Variants in ZNF571 observed in about 807,000 individuals in gnomAD.
ZNF571 encodes the protein zinc finger protein 571.
Under a neutral mutation model 7.7 loss-of-function variants are expected in ZNF571, and 4 were observed. The ratio of observed to expected loss-of-function variants is 0.52; its 90% CI spans 0.25 to 1.18. The LOEUF (loss-of-function observed/expected upper bound fraction) is 1.18, where lower values mean the gene tolerates loss of function less well. Ranked by LOEUF, ZNF571 falls within the 50% of genes most tolerant of loss-of-function variation. The pLI is 0.14. For synonymous variants in ZNF571, 251 were observed against 232.4 expected (o/e 1.08, Z -0.73); for missense variants, 704 against 726.9 (o/e 0.97, Z 0.36).
intron 3 of ZNF571, among the ~76,000 whole-genome samples, chr19:37,581,614 G>A (rs1414169525): frequency 6.6e-6 from 1 of 151,736 alleles, no homozygotes; most frequent in African/African-American, 2.4e-5. Context: ...ACAGGCATGT[G>A]ACATAATGCC....
At position 37,565,225 on chromosome 19, in the gene ZNF571, AAT is replaced by A. The variant is rs747245740; in HGVS notation, c.1201_1202del (p.Ile401PhefsTer2). The A allele has an allele frequency of 1.2e-6, 2 of 1,613,308 alleles. No individual in the cohort carries two copies. Among genetic ancestry groups the A allele is most frequent in the Non-Finnish European group, 1.7e-6 (2 of 1,179,800 alleles). ...YKCKECGKAF[I>X]SNSNLIQHQR... ...GATGTTGAATAAGATTAGAATTAGA[AAT>A]AAAGGCTTTCCCACATTCTTTGCAT... On this transcript the variant is annotated frameshift_variant, in exon 4 of 4. Coordinates refer to ENST00000451802, the MANE Select transcript of ZNF571 (RefSeq NM_016536.5). LOFTEE classifies it low-confidence loss of function (END_TRUNC).
At chr19:37,577,335 G>A (rs1046018433) in intron 3 of ZNF571, among the ~76,000 whole-genome samples, 2 of 152,034 alleles carry the variant, frequency 1.3e-5, no homozygotes, top group Non-Finnish European at 2.9e-5. Context: ...CCTACATCTG[G>A]AAGGTTTCAT....
Position 37,565,021 on chromosome 19 carries a change from A to C in ZNF571, c.1407T>G (p.His469Gln), listed in dbSNP as rs1183975745. The C allele has an allele frequency of 6.2e-7, 1 of 1,613,584 alleles. No individual in the cohort carries two copies. The highest frequency in any genetic ancestry group is 1.3e-5 in the African/African-American group (1 of 74,832). ...VAYLTQHEKI[H>Q]GEKHYECKEC... ...CCTTACATTCATAATGTTTCTCACC[A>C]TGAATTTTCTCATGTTGAGTAAGAT... is the stretch of plus-strand genomic sequence containing the variant. Residue 469 changes from histidine to glutamine, a missense_variant, in exon 4 of 4, where the codon CAT becomes CAG. His to Gln is a conservative substitution (Grantham distance 24). Transcript: ENST00000451802.
intron 1 of ZNF571, 75 bp from the exon 2 acceptor site, chr19:37,586,820 A>G: frequency 2.4e-6 from 2 of 836,036 alleles, no homozygotes; most frequent in Non-Finnish European, 3.8e-6. Flanking sequence ...AACTACCTTT[A>G]CTTCTCCTCT....
rs760232408 is a variant in ZNF571, at chr19:37,564,617, T to G, written c.1811A>C (p.His604Pro). The G allele has an allele frequency of 6.5e-7, 1 of 1,543,614 alleles. No individual in the cohort carries two copies. Among genetic ancestry groups the G allele is most frequent in the East Asian group, 2.3e-5 (1 of 44,088 alleles). ...GCTTTCTCAATTATGAAGCCTTGTA[T>G]GTTGAGTAAGTTGTGAAGGACATCT... ...DFRCPSQLTQHTRLHN is the reference protein window; with the variant it reads ...DFRCPSQLTQPTRLHN The change falls in exon 4 of 4, where the codon CAT becomes CCT. Residue 604 changes from histidine to proline, a missense_variant. Transcript: ENST00000451802.
chr19:37,589,735 G>A (rs879107375), intron 1 of ZNF571, among the ~76,000 whole-genome samples: 8 of 151,410 alleles, frequency 5.3e-5, no homozygotes, highest in Non-Finnish European at 1.0e-4. Context: ...GCGTGGTGGC[G>A]GGCATCTGTA....
chr19:37,572,712 T>G (rs909085157), intron 3 of ZNF571, among the ~76,000 whole-genome samples: 1 of 152,218 alleles, frequency 6.6e-6, no homozygotes. Context: ...AGGTTAGAAG[T>G]AATCTGTTGG....
chr19:37,579,659 T>C (rs1163101768), intron 3 of ZNF571, among the ~76,000 whole-genome samples: 1 of 152,096 alleles, frequency 6.6e-6, no homozygotes. Flanking sequence ...TTTGCAGGTG[T>C]TTCATCAATT....
intron 1 of ZNF571, among the ~76,000 whole-genome samples, chr19:37,590,449 G>A (rs1181147596): frequency 2.0e-5 from 3 of 151,782 alleles, no homozygotes; most frequent in Admixed American, 6.6e-5. Flanking sequence ...AAGCTATAAG[G>A]ACAAAATTGT....
At chr19:37,573,134 T>G (rs1208374469) in intron 3 of ZNF571, among the ~76,000 whole-genome samples, 2 of 136,532 alleles carry the variant, frequency 1.5e-5, no homozygotes, top group African/African-American at 5.0e-5. Flanking sequence ...CTCTTCCAAC[T>G]CTTTTTTTTT....
chr19:37,574,640 C>G (rs186734502), intron 3 of ZNF571, among the ~76,000 whole-genome samples: 2 of 152,198 alleles, frequency 1.3e-5, no homozygotes, highest in Admixed American at 1.3e-4. Context: ...TGGTTTATCA[C>G]CATACCTAAA....
chr19:37,587,034 A>G (rs1600530377), intron 1 of ZNF571: 1 of 244,130 alleles, frequency 4.1e-6, no homozygotes. Context: ...CCCAAACACT[A>G]AGTCAGGTAC....
intron 1 of ZNF571, among the ~76,000 whole-genome samples, chr19:37,588,025 G>A (rs941862063): frequency 2.0e-5 from 3 of 147,644 alleles, no homozygotes; most frequent in Admixed American, 6.8e-5. Context: ...ACTTGTACGC[G>A]GGAGGTGGAG....
At chr19:37,571,032 CAA>C (rs2043031769) in intron 3 of ZNF571, among the ~76,000 whole-genome samples, 1 of 152,116 alleles carries the variant, frequency 6.6e-6, no homozygotes, top group African/African-American at 2.4e-5. Flanking sequence ...ATAATTATAA[CAA>C]ATTCTATTTG....
At position 37,583,793 on chromosome 19, in the gene ZNF571, A is replaced by G. The variant is rs549036741; in HGVS notation, c.136+178T>C. The stretch of plus-strand genomic sequence containing the variant: ...AGAAGGGAGACACTGACAGGAAGTG[A>G]CAGAGAAAGATGTGACAGTCTAAAG... On this transcript the variant is annotated intron_variant, in intron 3 of 3. Coordinates refer to ENST00000451802, the MANE Select transcript of ZNF571 (RefSeq NM_016536.5). 21 of 556,548 alleles carry G rather than the reference A, an allele frequency of 3.8e-5. No individual in the cohort carries two copies. The Admixed American group carries it at 4.9e-4, about 13-fold the overall frequency. 34.5% of individuals were successfully genotyped at this position (556,548 alleles called of 1,614,324 possible).
intron 3 of ZNF571, among the ~76,000 whole-genome samples, chr19:37,581,414 T>C (rs2043455936): frequency 6.6e-6 from 1 of 152,042 alleles, no homozygotes; most frequent in African/African-American, 2.4e-5. Flanking sequence ...TACCAGATCA[T>C]TTACCTTTAT....
intron 1 of ZNF571, among the ~76,000 whole-genome samples, chr19:37,588,377 G>A (rs995407508): frequency 1.3e-5 from 2 of 152,186 alleles, no homozygotes; most frequent in South Asian, 2.1e-4. Flanking sequence ...GTTGGATACT[G>A]TAAAAAGGAA....
chr19:37,589,634 G>T (rs73033129), intron 1 of ZNF571, among the ~76,000 whole-genome samples: 26,034 of 151,802 alleles, frequency 0.17, 2,490 homozygotes, highest in Middle Eastern at 0.3. Flanking sequence ...ACACCTATCA[G>T]ATCTGGACAT....
intron 3 of ZNF571, 183 bp from the exon 4 acceptor site, chr19:37,566,474 T>C: frequency 3.0e-6 from 2 of 656,046 alleles, no homozygotes. Context: ...GGAGAGCTTA[T>C]AGGAAAGAAG....
Sources: allele counts gnomAD v4.1 joint callset (sites outside exome capture counted in the v4.1 genomes callset), GRCh38; gene constraint gnomAD v4.1.1; transcripts MANE v1.5; gene names NCBI Gene and HGNC (gene_info 2026-07-23, HGNC 2026-07-21).